The following SMURF1 variants were observed in gnomAD, a reference collection of about 807,000 sequenced individuals.
SMURF1 encodes the protein E3 ubiquitin-protein ligase SMURF1.
Under a neutral mutation model 98.0 loss-of-function variants are expected in SMURF1, and 44 were observed. The observed-to-expected ratio is 0.45, with a 90% CI of 0.35 to 0.58. The LOEUF (loss-of-function observed/expected upper bound fraction) is 0.58. Ranked by LOEUF, SMURF1 falls within the 20% of genes least tolerant of loss-of-function variation. The pLI, the probability that SMURF1 is intolerant of heterozygous loss-of-function variation, is 0.00. For missense variants in SMURF1, 687 were observed against 938.4 expected (o/e 0.73, Z 3.50); for synonymous variants, 396 against 374.9 (o/e 1.06, Z -0.65).
At chr7:99,136,172 C>T (rs896214049) in intron 1 of SMURF1, among the ~76,000 whole-genome samples, 9 of 152,000 alleles carry the variant, frequency 5.9e-5, no homozygotes, top group Admixed American at 1.3e-4. Context: ...CTAGCCTGGG[C>T]GACAGAGCAA....
chr7:99,065,555 A>G (rs979828663), intron 1 of SMURF1, among the ~76,000 whole-genome samples: 1 of 152,148 alleles, frequency 6.6e-6, no homozygotes, highest in Non-Finnish European at 1.5e-5. Context: ...GAAATCACCC[A>G]TCTATTTGGG....
chr7:99,091,778 G>A (rs1378607635), intron 1 of SMURF1, among the ~76,000 whole-genome samples: 1 of 152,134 alleles, frequency 6.6e-6, no homozygotes, highest in Non-Finnish European at 1.5e-5. Flanking sequence ...GCTCTGGGCA[G>A]CAAGTCTAAC....
intron 1 of SMURF1, among the ~76,000 whole-genome samples, chr7:99,106,792 T>C (rs1215852326): frequency 1.3e-5 from 2 of 152,324 alleles, no homozygotes; most frequent in Non-Finnish European, 1.5e-5. Flanking sequence ...CGACCTCTTT[T>C]TTTCCCCCTT....
intron 1 of SMURF1, among the ~76,000 whole-genome samples, chr7:99,113,502 T>C (rs185837058): frequency 2.0e-5 from 3 of 152,146 alleles, no homozygotes; most frequent in African/African-American, 7.2e-5. Context: ...ATAGTAAACC[T>C]GCTCTACAAG....
Position 99,035,590 on chromosome 7 carries a change from C to G in SMURF1, c.1936G>C (p.Glu646Gln), listed in dbSNP as rs1795104024. The G allele has an allele frequency of 1.9e-6, 3 of 1,614,112 alleles. No individual in the cohort carries two copies. Among genetic ancestry groups the G allele is most frequent in the African/African-American group, 2.7e-5 (2 of 74,932 alleles). ...FWQAVETFDE[E>Q]RRARLLQFVT... ...AACTGCAGGAGCCTGGCCCTCCTTT[C>G]TTCATCGAACGTCTCCACCGCTTGC... is the stretch of plus-strand genomic sequence containing the variant. The change falls in exon 16 of 18, where the codon GAA becomes CAA. Residue 646 changes from glutamate to glutamine, a missense_variant. Glu to Gln is a conservative substitution (Grantham distance 29, BLOSUM62 2). Around this residue, in one of 2 missense-constraint regions of SMURF1, gnomAD observed 272 missense variants for 430.0 expected, o/e 0.63. Coordinates refer to ENST00000361368, the MANE Select transcript of SMURF1 (RefSeq NM_181349.3).
intron 1 of SMURF1, among the ~76,000 whole-genome samples, chr7:99,079,825 T>C (rs1485223719): frequency 1.3e-5 from 2 of 152,118 alleles, no homozygotes; most frequent in Admixed American, 6.5e-5. Context: ...TGCAGACTTA[T>C]TCATTCACTA....
At chr7:99,053,193 T>A (rs1024591883) in intron 6 of SMURF1, among the ~76,000 whole-genome samples, 4 of 152,230 alleles carry the variant, frequency 2.6e-5, no homozygotes, top group Admixed American at 6.5e-5. Context: ...TGAGCAATTT[T>A]GAAGACAATT....
chr7:99,040,293 ACGCGCGCG>A lies in SMURF1; in HGVS notation c.1550+77_1550+84del, dbSNP rs3033104. 259 of 1,240,868 alleles carry A rather than the reference ACGCGCGCG, an allele frequency of 2.1e-4. 2 individuals are homozygous for A. The highest frequency in any genetic ancestry group is 2.6e-4 in the Middle Eastern group (1 of 3,822). The allele number at this position is 1,240,868 out of a possible 1,614,324, so 76.9% of individuals were successfully genotyped here. ...ACACACATCCCCAAAATACACACAC[ACGCGCGCG>A]CGCGCGCACGCGCATACATACGATA... On this transcript the variant is annotated intron_variant, in intron 13 of 17. Coordinates refer to ENST00000361368, the MANE Select transcript of SMURF1 (RefSeq NM_181349.3).
chr7:99,073,294 G>C (rs1334717004), intron 1 of SMURF1, among the ~76,000 whole-genome samples: 5 of 151,336 alleles, frequency 3.3e-5, no homozygotes. Context: ...CAGGAGAATT[G>C]CTTGAACCTG....
chr7:99,105,246 C>T (rs1280004086), intron 1 of SMURF1, among the ~76,000 whole-genome samples: 2 of 152,204 alleles, frequency 1.3e-5, no homozygotes, highest in African/African-American at 2.4e-5. Flanking sequence ...GAAAGAAAGA[C>T]ATTTTTATCA....
rs1397349229 is a variant in SMURF1, at chr7:99,033,104, C to T, written c.2029G>A (p.Gly677Arg). 6.3e-6 allele frequency: 10 copies of T among 1,582,828 alleles called. No individual in the cohort carries two copies. Among genetic ancestry groups the T allele is most frequent in the Non-Finnish European group, 8.6e-6 (10 of 1,163,666 alleles). Reference sequence around the variant, plus strand: ...AGGTGGATGGTGAACAGCCGGGGCCCTGCCGCGCCTGTAGAACCTTACAAG... The same window carrying T: ...AGGTGGATGGTGAACAGCCGGGGCCTTGCCGCGCCTGTAGAACCTTACAAG... ...KALQGSTGAA[G>R]PRLFTIHLID... The change falls in exon 17 of 18, where the codon GGG becomes AGG. Residue 677 changes from glycine to arginine, a missense_variant. Gly to Arg is a moderately radical substitution (Grantham distance 125). Around this residue, in one of 2 missense-constraint regions of SMURF1, gnomAD observed 272 missense variants for 430.0 expected, o/e 0.63. Coordinates refer to ENST00000361368, the MANE Select transcript of SMURF1 (RefSeq NM_181349.3).
At chr7:99,124,779 A>C (rs543476196) in intron 1 of SMURF1, among the ~76,000 whole-genome samples, 1 of 152,358 alleles carries the variant, frequency 6.6e-6, no homozygotes, top group South Asian at 2.1e-4. Context: ...AAGATACTAA[A>C]GCAAGGACAT....
Position 99,051,598 on chromosome 7 carries a change from T to C in SMURF1, c.722-157A>G, listed in dbSNP as rs568677613. Among the ~76,000 whole-genome samples, 15 of 152,248 alleles carry C rather than the reference T, an allele frequency of 9.9e-5. No individual in the cohort carries two copies. The East Asian group carries it at 2.5e-3, about 25-fold the overall frequency. On this transcript the variant is annotated intron_variant, in intron 7 of 17. Transcript: ENST00000361368. ...TCTGAGGTGGCCGAATAATCCCCTC[T>C]TCTCCATCTCGCCCCATGCTCTCCT...
intron 1 of SMURF1, among the ~76,000 whole-genome samples, chr7:99,111,487 C>T (rs1204123536): frequency 6.6e-6 from 1 of 152,084 alleles, no homozygotes; most frequent in Non-Finnish European, 1.5e-5. Flanking sequence ...ATTACCCAGT[C>T]TATGGTATTC....
At chr7:99,122,327 CAA>C (rs1210398152) in intron 1 of SMURF1, among the ~76,000 whole-genome samples, 3 of 99,284 alleles carry the variant, frequency 3.0e-5, no homozygotes, top group Admixed American at 1.2e-4. Flanking sequence ...GACTCTGTCT[CAA>C]AAAAAAAAAA....
At chr7:99,080,353 G>A (rs556540499) in intron 1 of SMURF1, among the ~76,000 whole-genome samples, 4 of 152,326 alleles carry the variant, frequency 2.6e-5, no homozygotes, top group African/African-American at 9.6e-5. Flanking sequence ...AGGCTGGAGT[G>A]CAGCGGCGCG....
intron 16 of SMURF1, among the ~76,000 whole-genome samples, chr7:99,033,530 C>T (rs1202777602): frequency 6.6e-6 from 1 of 152,192 alleles, no homozygotes; most frequent in Admixed American, 6.5e-5. Flanking sequence ...GTCTGGAACT[C>T]CTGGATCACC....
At chr7:99,049,834 G>A in intron 8 of SMURF1, 125 bp from the exon 9 acceptor site, 2 of 889,326 alleles carry the variant, frequency 2.2e-6, no homozygotes, top group South Asian at 1.7e-5. Flanking sequence ...TGCTAAGATG[G>A]ACCTTCGTGG....
At chr7:99,060,482 CT>C in intron 3 of SMURF1, 116 bp downstream of exon 3, 1 of 596,276 alleles carries the variant, frequency 1.7e-6, no homozygotes, top group Non-Finnish European at 2.8e-6. Context: ...TGGCCATCCG[CT>C]TTTGTTATCA....
Sources: allele counts gnomAD v4.1 joint callset (sites outside exome capture counted in the v4.1 genomes callset), GRCh38; gene constraint gnomAD v4.1.1; regional missense constraint gnomAD v4.1.1; transcripts MANE v1.5; gene names NCBI Gene and HGNC (gene_info 2026-07-23, HGNC 2026-07-21).